SHANK2: variants seen among roughly 807,000 people sequenced by gnomAD.
SHANK2 encodes the protein SH3 and multiple ankyrin repeat domains protein 2.
In SHANK2, 43 loss-of-function variants were observed where a neutral mutation model predicts 133.7. The ratio of observed to expected loss-of-function variants is 0.32; its 90% CI spans 0.25 to 0.41. The LOEUF (loss-of-function observed/expected upper bound fraction) is 0.41. SHANK2 is among the 10% of genes least tolerant of loss of function. The probability of loss-of-function intolerance (pLI) is 1.00; values close to 1 mark genes in which losing one functional copy is unlikely to be tolerated. For synonymous variants in SHANK2, 1,017 were observed against 952.8 expected, an observed-to-expected ratio of 1.07 and a Z score of -1.24; for missense variants, 1,994 against 2,235.8, an observed-to-expected ratio of 0.89 and a Z score of 2.18.
chr11:70,545,660 A>G (rs1240885368), intron 17 of SHANK2, among the ~76,000 whole-genome samples: 1 of 152,208 alleles, frequency 6.6e-6, no homozygotes, highest in Non-Finnish European at 1.5e-5. Context: ...CTGACACCAA[A>G]TACATCATTC....
intron 17 of SHANK2, among the ~76,000 whole-genome samples, chr11:70,522,783 G>T (rs1554971307): frequency 3.3e-5 from 5 of 152,232 alleles, no homozygotes. Context: ...GGAAGAGAAG[G>T]GCACTGCCCC....
intron 11 of SHANK2, among the ~76,000 whole-genome samples, chr11:70,862,193 G>A (rs984183526): frequency 6.6e-6 from 1 of 152,150 alleles, no homozygotes; most frequent in South Asian, 2.1e-4. Flanking sequence ...CCAGCTCCCC[G>A]AACACAGCCT....
At chr11:70,941,622 G>A (rs12288553) in intron 10 of SHANK2, among the ~76,000 whole-genome samples, 8,543 of 152,028 alleles carry the variant, frequency 0.056, 806 homozygotes, top group African/African-American at 0.2. Flanking sequence ...GATAGGATTC[G>A]TGTCCTTATA....
At chr11:70,855,948 T>C (rs1555066745) in intron 11 of SHANK2, among the ~76,000 whole-genome samples, 1 of 151,930 alleles carries the variant, frequency 6.6e-6, no homozygotes, top group African/African-American at 2.4e-5. Flanking sequence ...GATGGAAGGA[T>C]GGATGGCTGA....
chr11:70,618,036 G>A (rs1397404273), intron 17 of SHANK2, among the ~76,000 whole-genome samples: 2 of 152,102 alleles, frequency 1.3e-5, no homozygotes, highest in African/African-American at 4.8e-5. Context: ...AGTGGCTCAC[G>A]CTTGGAATCT....
At chr11:71,236,419 C>T (rs1954826842) in intron 1 of SHANK2, among the ~76,000 whole-genome samples, 1 of 152,176 alleles carries the variant, frequency 6.6e-6, no homozygotes, top group South Asian at 2.1e-4. Context: ...CTAGACCAGC[C>T]TGGCCAACAT....
At chr11:70,916,849 T>G (rs1255215467) in intron 10 of SHANK2, among the ~76,000 whole-genome samples, 1 of 152,200 alleles carries the variant, frequency 6.6e-6, no homozygotes, top group Non-Finnish European at 1.5e-5. Flanking sequence ...GGTGTCTTAA[T>G]GTACAAATGT....
At chr11:71,168,971 T>C (rs1269698727) in intron 2 of SHANK2, among the ~76,000 whole-genome samples, 1 of 152,184 alleles carries the variant, frequency 6.6e-6, no homozygotes, top group Non-Finnish European at 1.5e-5. Flanking sequence ...ATTTATGAAA[T>C]CAGGAAGTAC....
chr11:71,212,020 T>G (rs1385373728), intron 2 of SHANK2, among the ~76,000 whole-genome samples: 2 of 152,172 alleles, frequency 1.3e-5, no homozygotes, highest in African/African-American at 4.8e-5. Flanking sequence ...AACCATTTTG[T>G]TTTTTGCAAA....
intron 2 of SHANK2, among the ~76,000 whole-genome samples, chr11:71,158,718 A>G (rs1285750046): frequency 6.6e-6 from 1 of 152,246 alleles, no homozygotes; most frequent in South Asian, 2.1e-4. Context: ...TTACCAGAAA[A>G]AGTTATAATA....
intron 1 of SHANK2, among the ~76,000 whole-genome samples, chr11:71,231,576 G>A (rs1275197219): frequency 2.0e-5 from 3 of 152,224 alleles, no homozygotes; most frequent in South Asian, 4.1e-4. Context: ...CTAGGCATTC[G>A]TCCCACAGAA....
intron 1 of SHANK2, among the ~76,000 whole-genome samples, chr11:71,245,866 C>T (rs1351872276): frequency 2.0e-5 from 3 of 152,208 alleles, no homozygotes; most frequent in African/African-American, 4.8e-5. Flanking sequence ...CTGTCCACCT[C>T]GTGAGGAGGG....
intron 2 of SHANK2, among the ~76,000 whole-genome samples, chr11:71,220,236 A>G (rs1954507748): frequency 6.6e-6 from 1 of 151,920 alleles, no homozygotes; most frequent in South Asian, 2.1e-4. Flanking sequence ...CCCAGTCTCA[A>G]AACAGAAACA....
At position 70,659,873 on chromosome 11, in the gene SHANK2, C is replaced by T. The variant is rs782318342; in HGVS notation, c.2016G>A (p.Gly672=). The part of the protein sequence containing the change: ...LQYLESVDEG[G]VAWQAGLRTG... ...TCCTTAGTCCGGCTTGCCACGCCACCCCACCTTCATCCACGGACTCCAGGT... is the reference window on the plus strand; with the variant it reads ...TCCTTAGTCCGGCTTGCCACGCCACTCCACCTTCATCCACGGACTCCAGGT... Residue 672 remains glycine, a synonymous_variant, in exon 17 of 26, where the codon GGG becomes GGA. Transcript: ENST00000601538. 6 of 1,614,162 alleles carry T rather than the reference C, an allele frequency of 3.7e-6. No homozygotes were observed. Among genetic ancestry groups the T allele is most frequent in the Admixed American group, 1.7e-5 (1 of 60,022 alleles).
chr11:70,942,880 C>A (rs1555084631), intron 10 of SHANK2: 1 of 456,616 alleles, frequency 2.2e-6, no homozygotes. Flanking sequence ...TGTTCACTTA[C>A]ATTTGTTACT....
rs1009684051 is a variant in SHANK2 at position 71,067,015 on chromosome 11, C to T, written c.1029+8144G>A. Among the ~76,000 whole-genome samples, 13 of 152,306 alleles carry T rather than the reference C, an allele frequency of 8.5e-5. No homozygotes were observed. In the East Asian group the frequency reaches 1.5e-3, roughly 18 times the overall value. On this transcript the variant is annotated intron_variant, in intron 9 of 25. Coordinates refer to ENST00000601538, the MANE Select transcript of SHANK2 (RefSeq NM_012309.5). ...CTGGCTTCCTCATTTACTAACGGAG[C>T]GGCCTTTGACCACTCCTGCATCTTC...
At chr11:71,242,633 C>T (rs1442024079) in intron 1 of SHANK2, among the ~76,000 whole-genome samples, 2 of 152,210 alleles carry the variant, frequency 1.3e-5, no homozygotes, top group East Asian at 3.9e-4. Context: ...TTATGATCTC[C>T]TTTAATTATT....
At chr11:70,647,909 C>A (rs1306418272) in intron 17 of SHANK2, among the ~76,000 whole-genome samples, 1 of 152,026 alleles carries the variant, frequency 6.6e-6, no homozygotes, top group African/African-American at 2.4e-5. Context: ...CCCAGCAATT[C>A]CACTCCTAGG....
intron 14 of SHANK2, among the ~76,000 whole-genome samples, chr11:70,767,466 C>T (rs1424524969): frequency 6.6e-6 from 1 of 152,168 alleles, no homozygotes; most frequent in Admixed American, 6.5e-5. Context: ...AAGTGTCCCT[C>T]AACAGATGAG....
Sources: allele counts gnomAD v4.1 joint callset (sites outside exome capture counted in the v4.1 genomes callset), GRCh38; gene constraint gnomAD v4.1.1; transcripts MANE v1.5; gene names NCBI Gene and HGNC (gene_info 2026-07-23, HGNC 2026-07-21).